The following MAGI2 variants were observed in gnomAD, a reference collection of about 807,000 sequenced individuals.
The protein encoded by MAGI2 is membrane-associated guanylate kinase, WW and PDZ domain-containing protein 2.
Under a neutral mutation model 133.3 loss-of-function variants are expected in MAGI2, and 35 were observed. The ratio of observed to expected loss-of-function variants is 0.26; its 90% CI spans 0.20 to 0.35. The LOEUF (loss-of-function observed/expected upper bound fraction) is 0.35, where lower values mean the gene tolerates loss of function less well. Ranked by LOEUF, MAGI2 falls within the 10% of genes least tolerant of loss-of-function variation. The pLI, the probability that MAGI2 is intolerant of heterozygous loss-of-function variation, is 1.00. For missense variants in MAGI2, 1,636 were observed against 1,863.4 expected (o/e 0.88, Z 2.25); for synonymous variants, 729 against 710.6 (o/e 1.03, Z -0.41).
At chr7:78,397,366 TACACACACAC>T (rs71085528) in intron 6 of MAGI2, among the ~76,000 whole-genome samples, 83 of 147,816 alleles carry the variant, frequency 5.6e-4, no homozygotes, top group Admixed American at 1.9e-3. Context: ...TTGAAATTCC[TACACACACAC>T]ACACACACAC....
At chr7:78,730,299 C>T (rs559006183) in intron 2 of MAGI2, among the ~76,000 whole-genome samples, 146 of 151,410 alleles carry the variant, frequency 9.6e-4, no homozygotes, top group African/African-American at 3.5e-3. Context: ...TGACTTCTTC[C>T]AATGACTCAA....
At chr7:78,787,908 G>A (rs1826967699) in intron 2 of MAGI2, among the ~76,000 whole-genome samples, 1 of 152,146 alleles carries the variant, frequency 6.6e-6, no homozygotes, top group Admixed American at 6.5e-5. Flanking sequence ...AATAAACTGA[G>A]AACAAATCCC....
chr7:79,184,320 G>A (rs1184769637), intron 1 of MAGI2, among the ~76,000 whole-genome samples: 1 of 151,284 alleles, frequency 6.6e-6, no homozygotes, highest in Non-Finnish European at 1.5e-5. Context: ...TGTAGTCACT[G>A]CACAGGTGAT....
At chr7:78,844,341 A>G (rs140398203) in intron 2 of MAGI2, among the ~76,000 whole-genome samples, 57 of 151,936 alleles carry the variant, frequency 3.8e-4, no homozygotes, top group African/African-American at 1.3e-3. Context: ...TGTCCACACT[A>G]TTGCTTGTAT....
At chr7:78,136,882 G>A (rs1822197535) in intron 16 of MAGI2, among the ~76,000 whole-genome samples, 2 of 152,198 alleles carry the variant, frequency 1.3e-5, no homozygotes, top group Non-Finnish European at 2.9e-5. Context: ...TTCTTCTATT[G>A]TGAAAGGTTA....
At chr7:78,149,072 G>T (rs1055896412) in intron 16 of MAGI2, among the ~76,000 whole-genome samples, 1 of 152,106 alleles carries the variant, frequency 6.6e-6, no homozygotes, top group Non-Finnish European at 1.5e-5. Flanking sequence ...CAACATGGTA[G>T]CTACAAGCAT....
intron 3 of MAGI2, among the ~76,000 whole-genome samples, chr7:78,579,953 G>A (rs1389444704): frequency 1.3e-5 from 2 of 152,136 alleles, no homozygotes; most frequent in African/African-American, 4.8e-5. Context: ...CTAATATCCA[G>A]TATTGTACAC....
chr7:79,218,601 C>T (rs946870959), intron 1 of MAGI2, among the ~76,000 whole-genome samples: 1 of 152,062 alleles, frequency 6.6e-6, no homozygotes, highest in Non-Finnish European at 1.5e-5. Context: ...TTTTCTTACT[C>T]TCCAATTGTA....
At chr7:78,416,896 C>T (rs1278355517) in intron 6 of MAGI2, among the ~76,000 whole-genome samples, 1 of 152,122 alleles carries the variant, frequency 6.6e-6, no homozygotes, top group Non-Finnish European at 1.5e-5. Flanking sequence ...AATCTGCTGG[C>T]ACCTTGATCT....
intron 6 of MAGI2, among the ~76,000 whole-genome samples, chr7:78,451,290 A>T (rs1788697425): frequency 6.6e-6 from 1 of 152,072 alleles, no homozygotes; most frequent in Non-Finnish European, 1.5e-5. Context: ...AATAATATAC[A>T]TTTCTAATAT....
intron 2 of MAGI2, among the ~76,000 whole-genome samples, chr7:78,765,115 T>G (rs1367809637): frequency 2.0e-5 from 3 of 152,112 alleles, no homozygotes; most frequent in Non-Finnish European, 2.9e-5. Context: ...TGAAATATTG[T>G]AATAGCAAGC....
At chr7:78,320,089 C>T (rs1038052744) in intron 9 of MAGI2, among the ~76,000 whole-genome samples, 2 of 152,126 alleles carry the variant, frequency 1.3e-5, no homozygotes, top group African/African-American at 2.4e-5. Context: ...AATTCGAATC[C>T]TTGAATAGAT....
At chr7:79,272,677 T>C (rs1834959457) in intron 1 of MAGI2, among the ~76,000 whole-genome samples, 3 of 150,278 alleles carry the variant, frequency 2.0e-5, no homozygotes. Flanking sequence ...TGTTAAAATA[T>C]ACTTTATGGT....
intron 20 of MAGI2, among the ~76,000 whole-genome samples, chr7:78,120,809 G>A (rs1820375312): frequency 6.6e-6 from 1 of 150,842 alleles, no homozygotes. Context: ...AGACCATCCC[G>A]GCTAAAACGG....
intron 3 of MAGI2, among the ~76,000 whole-genome samples, chr7:78,566,582 C>T (rs1483162135): frequency 6.6e-6 from 1 of 150,434 alleles, no homozygotes; most frequent in Non-Finnish European, 1.5e-5. Flanking sequence ...ATGGATTTGT[C>T]CTCCAGGTAC....
intron 2 of MAGI2, among the ~76,000 whole-genome samples, chr7:78,836,027 C>T (rs1435516241): frequency 2.0e-5 from 3 of 152,120 alleles, no homozygotes; most frequent in Non-Finnish European, 2.9e-5. Context: ...CACAACATGG[C>T]AAAAGGAACA....
intron 1 of MAGI2, among the ~76,000 whole-genome samples, chr7:79,296,279 T>C (rs1349556777): frequency 2.0e-5 from 3 of 152,204 alleles, no homozygotes; most frequent in Non-Finnish European, 1.5e-5. Context: ...CATATCCCCT[T>C]TTCATATAAT....
chr7:79,430,001 T>C (rs1847668042), intron 1 of MAGI2, among the ~76,000 whole-genome samples: 1 of 152,062 alleles, frequency 6.6e-6, no homozygotes, highest in Non-Finnish European at 1.5e-5. Flanking sequence ...ATGACTACTA[T>C]TCAGAAAATT....
At chr7:78,592,928 G>A (rs1444026535) in intron 3 of MAGI2, among the ~76,000 whole-genome samples, 1 of 139,264 alleles carries the variant, frequency 7.2e-6, no homozygotes, top group Non-Finnish European at 1.5e-5. Context: ...TCCACCTCCC[G>A]AGCTCAAGCA....
Sources: gnomAD v4.1 joint callset for allele counts (sites outside exome capture counted in the v4.1 genomes callset) on GRCh38, gnomAD v4.1.1 for gene constraint, MANE v1.5 for transcripts, NCBI Gene and HGNC (gene_info 2026-07-23, HGNC 2026-07-21) for gene names.